Variants in DPP10 observed in about 807,000 individuals in gnomAD.
DPP10 encodes the protein inactive dipeptidyl peptidase 10.
DPP10 carries 33 observed loss-of-function variants against 120.9 expected under a neutral mutation model. The ratio of observed to expected loss-of-function variants is 0.27; its 90% confidence interval spans 0.21 to 0.37. DPP10 has a LOEUF of 0.37. Ranked by LOEUF, DPP10 falls within the 10% of genes least tolerant of loss-of-function variation. DPP10 has a pLI of 1.00. For missense variants in DPP10, 816 were observed against 942.8 expected, an observed-to-expected ratio of 0.87 and a Z score of 1.76; for synonymous variants, 337 against 326.1, an observed-to-expected ratio of 1.03 and a Z score of -0.36.
chr2:114,577,121 TA>T (rs1690117835), intron 1 of DPP10, among the ~76,000 whole-genome samples: 1 of 152,194 alleles, frequency 6.6e-6, no homozygotes, highest in African/African-American at 2.4e-5. Context: ...AGAATGGTGA[TA>T]TGTATGTTTT....
intron 8 of DPP10, among the ~76,000 whole-genome samples, chr2:115,737,004 C>T (rs1369973579): frequency 6.6e-6 from 1 of 152,142 alleles, no homozygotes; most frequent in African/African-American, 2.4e-5. Flanking sequence ...CAGTGGACAA[C>T]GAAGTATTCT....
rs567511728 is a variant in DPP10, at chr2:115,006,016, CT to C, written c.61-303222del. 7.5e-3 allele frequency among the ~76,000 whole-genome samples: 1,141 copies of C among 152,278 alleles called. 10 individuals carry two copies. The highest frequency in any genetic ancestry group is 0.026 in the African/African-American group (1,090 of 41,544). Reference sequence around the variant, plus strand: ...GAAGCCCATCAGACTAACAGTGGATCTCTTGGCAGAAACCCTACAAGCCAGA... The same window carrying C: ...GAAGCCCATCAGACTAACAGTGGATCCTTGGCAGAAACCCTACAAGCCAGA... On this transcript the variant is annotated intron_variant, in intron 1 of 25. Coordinates refer to ENST00000410059, the MANE Select transcript of DPP10 (RefSeq NM_020868.6).
At chr2:115,453,382 CAG>C (rs1278121024) in intron 3 of DPP10, among the ~76,000 whole-genome samples, 14 of 151,466 alleles carry the variant, frequency 9.2e-5, no homozygotes, top group African/African-American at 3.1e-4. Context: ...AACAAAATCA[CAG>C]TGTTCTGAGA....
intron 1 of DPP10, among the ~76,000 whole-genome samples, chr2:114,582,855 A>G (rs1690648042): frequency 6.6e-6 from 1 of 152,202 alleles, no homozygotes; most frequent in African/African-American, 2.4e-5. Flanking sequence ...TTGGCTGTAC[A>G]TTAGAATCAT....
chr2:115,209,478 C>A (rs900666842), intron 1 of DPP10, among the ~76,000 whole-genome samples: 2 of 150,034 alleles, frequency 1.3e-5, no homozygotes, highest in Non-Finnish European at 2.9e-5. Flanking sequence ...AAACATGAGA[C>A]ATCTCAGCAT....
At chr2:114,964,276 A>G (rs1698847861) in intron 1 of DPP10, among the ~76,000 whole-genome samples, 1 of 152,172 alleles carries the variant, frequency 6.6e-6, no homozygotes, top group South Asian at 2.1e-4. Context: ...ACATTCAACA[A>G]ATATTTCATG....
At chr2:114,459,380 A>G (rs1242547604) in intron 1 of DPP10, among the ~76,000 whole-genome samples, 2 of 152,186 alleles carry the variant, frequency 1.3e-5, no homozygotes, top group African/African-American at 2.4e-5. Flanking sequence ...GGTCCATGCT[A>G]TTAATACAAG....
intron 2 of DPP10, among the ~76,000 whole-genome samples, chr2:115,323,297 G>T (rs1463135511): frequency 6.6e-6 from 1 of 152,090 alleles, no homozygotes; most frequent in Non-Finnish European, 1.5e-5. Flanking sequence ...AAAACTCCTC[G>T]TTCATTCAAG....
rs1019600166 is a variant in DPP10 at position 114,917,800 on chromosome 2, A to G, written c.61-391439A>G. 5.9e-5 allele frequency among the ~76,000 whole-genome samples: 9 copies of G among 152,106 alleles called. No individual in the cohort carries two copies. In the East Asian group the frequency reaches 1.2e-3, roughly 20 times the overall value. On this transcript the variant is annotated intron_variant, in intron 1 of 25. Coordinates refer to ENST00000410059, the MANE Select transcript of DPP10 (RefSeq NM_020868.6). ...CCTCTTCCTTTCCCCACATACAAAAATCAACTCAAGATGGATTAAAGACTT... is the reference window on the plus strand; with the variant it reads ...CCTCTTCCTTTCCCCACATACAAAAGTCAACTCAAGATGGATTAAAGACTT...
intron 1 of DPP10, among the ~76,000 whole-genome samples, chr2:115,026,726 A>G (rs1703487048): frequency 6.6e-6 from 1 of 151,928 alleles, no homozygotes; most frequent in South Asian, 2.1e-4. Flanking sequence ...TAGTAGAGTC[A>G]GGGTTTTATC....
chr2:115,204,694 T>A (rs2055996027), intron 1 of DPP10, among the ~76,000 whole-genome samples: 1 of 152,210 alleles, frequency 6.6e-6, no homozygotes, highest in African/African-American at 2.4e-5. Context: ...AGGAAGCAAC[T>A]CAGTTTCATC....
In DPP10 at chr2:114,887,447, A is replaced by G. The variant is rs538286269; in HGVS notation, c.61-421792A>G. Reference sequence around the variant, plus strand: ...ATAGATAATTCAGTTTTATAGTTTTACAACTATTCAGTTAATTTACAACTC... The same window carrying G: ...ATAGATAATTCAGTTTTATAGTTTTGCAACTATTCAGTTAATTTACAACTC... On this transcript the variant is annotated intron_variant, in intron 1 of 25. Coordinates refer to ENST00000410059, the MANE Select transcript of DPP10 (RefSeq NM_020868.6). Among the ~76,000 whole-genome samples, 231 of 152,356 alleles carry G rather than the reference A, an allele frequency of 1.5e-3. 2 individuals are homozygous for G. The highest frequency in any genetic ancestry group is 5.5e-3 in the African/African-American group (228 of 41,582).
intron 5 of DPP10, among the ~76,000 whole-genome samples, chr2:115,667,281 AC>A (rs1174845082): frequency 6.6e-6 from 1 of 152,146 alleles, no homozygotes; most frequent in South Asian, 2.1e-4. Context: ...AATTATAAAT[AC>A]TTTCTCCAGT....
chr2:115,218,201 C>T (rs926816202), intron 1 of DPP10, among the ~76,000 whole-genome samples: 12 of 152,020 alleles, frequency 7.9e-5, no homozygotes, highest in Non-Finnish European at 1.3e-4. Context: ...TTTGCAATGG[C>T]CTACATAAAA....
At chr2:114,942,300 T>TATATATATATATATATACATATAC in intron 1 of DPP10, among the ~76,000 whole-genome samples, 1 of 110,600 alleles carries the variant, frequency 9.0e-6, no homozygotes, top group East Asian at 2.8e-4. Context: ...TATATATACA[T>TATATATATATATATATACATATAC]ATATATATAT....
intron 1 of DPP10, among the ~76,000 whole-genome samples, chr2:114,647,878 G>A (rs1573878518): frequency 6.6e-6 from 1 of 151,872 alleles, no homozygotes; most frequent in South Asian, 2.1e-4. Context: ...TATTTCTGTT[G>A]TATTTGGGGG....
At chr2:115,382,144 C>T (rs758807644) in intron 3 of DPP10, among the ~76,000 whole-genome samples, 3 of 152,270 alleles carry the variant, frequency 2.0e-5, no homozygotes, top group Middle Eastern at 3.4e-3. Context: ...ATGGCGGGCG[C>T]CCCTCCCCCA....
At chr2:114,573,919 GACATCTCC>G (rs1351513781) in intron 1 of DPP10, among the ~76,000 whole-genome samples, 1 of 152,112 alleles carries the variant, frequency 6.6e-6, no homozygotes, top group Non-Finnish European at 1.5e-5. Context: ...CCTTTGCTAG[GACATCTCC>G]ACTTTTCCAA....
At chr2:115,194,306 C>T (rs2055096672) in intron 1 of DPP10, among the ~76,000 whole-genome samples, 1 of 152,030 alleles carries the variant, frequency 6.6e-6, no homozygotes, top group East Asian at 1.9e-4. Flanking sequence ...CTCACCGCAG[C>T]CTCCGCCTCC....
Sources: gnomAD v4.1 joint callset for allele counts (sites outside exome capture counted in the v4.1 genomes callset) on GRCh38, gnomAD v4.1.1 for gene constraint, MANE v1.5 for transcripts, NCBI Gene and HGNC (gene_info 2026-07-23, HGNC 2026-07-21) for gene names.